Variants in FARS2 observed in about 807,000 individuals in gnomAD.
The protein encoded by FARS2 is phenylalanyl-tRNA synthetase 2, mitochondrial.
In FARS2, 40 loss-of-function variants were observed where a neutral mutation model predicts 46.4. The observed-to-expected ratio is 0.86, with a 90% CI of 0.67 to 1.12. FARS2 has a LOEUF of 1.12. Among genes scored for constraint, FARS2 ranks in the 50% most tolerant of loss-of-function variants. The probability of loss-of-function intolerance (pLI) is 0.00; values close to 1 mark genes in which losing one functional copy is unlikely to be tolerated. For missense variants in FARS2, 513 were observed against 567.9 expected (o/e 0.90, Z 0.98); for synonymous variants, 234 against 214.9 (o/e 1.09, Z -0.78).
chr6:5,435,414 A>C (rs1245570886), intron 4 of FARS2, among the ~76,000 whole-genome samples: 1 of 152,264 alleles, frequency 6.6e-6, no homozygotes, highest in African/African-American at 2.4e-5. Flanking sequence ...TACACATTTA[A>C]GCAACTGTGG....
chr6:5,318,400 A>C (rs544722479), intron 1 of FARS2, among the ~76,000 whole-genome samples: 169 of 147,824 alleles, frequency 1.1e-3, no homozygotes, highest in Admixed American at 4.4e-3. Context: ...AAAAAAAAAA[A>C]AAAAAAACCC....
In FARS2 at chr6:5,608,959, CA is replaced by C. The variant is rs940025298; in HGVS notation, c.1066-4199del. ...ATTTAGCAATCAACAGCATGGGTGC[CA>C]AAAAAAAAAATCTGTATTAAAACCC... On this transcript the variant is annotated intron_variant, in intron 5 of 6. Transcript: ENST00000274680. Among the ~76,000 whole-genome samples the C allele has an allele frequency of 3.5e-3, 509 of 145,250 alleles. 2 individuals are homozygous for C. The highest frequency in any genetic ancestry group is 0.011 in the African/African-American group (430 of 39,792).
At chr6:5,346,290 T>C (rs1375326214) in intron 1 of FARS2, among the ~76,000 whole-genome samples, 1 of 152,238 alleles carries the variant, frequency 6.6e-6, no homozygotes, top group Admixed American at 6.5e-5. Context: ...CCCATAGTAC[T>C]TGGGTGAATA....
intron 1 of FARS2, among the ~76,000 whole-genome samples, chr6:5,333,247 G>A (rs1039268626): frequency 6.6e-6 from 1 of 152,192 alleles, no homozygotes; most frequent in Non-Finnish European, 1.5e-5. Flanking sequence ...AAAGAGACTT[G>A]TGTCTCTTAT....
chr6:5,435,093 T>C (rs1009045610), intron 4 of FARS2, among the ~76,000 whole-genome samples: 5 of 152,232 alleles, frequency 3.3e-5, no homozygotes, highest in African/African-American at 1.2e-4. Context: ...ATCAAATAGC[T>C]AGACAGTGCT....
intron 6 of FARS2, among the ~76,000 whole-genome samples, chr6:5,636,874 C>G (rs914635336): frequency 6.6e-6 from 1 of 152,230 alleles, no homozygotes; most frequent in African/African-American, 2.4e-5. Context: ...TCTCCCTGAG[C>G]CACTACGTTG....
At chr6:5,687,404 G>A (rs1480420251) in intron 6 of FARS2, among the ~76,000 whole-genome samples, 1 of 152,202 alleles carries the variant, frequency 6.6e-6, no homozygotes, top group African/African-American at 2.4e-5. Flanking sequence ...TCCAGTTTCA[G>A]CTTTCTACAT....
chr6:5,732,638 G>A (rs1038263517), intron 6 of FARS2, among the ~76,000 whole-genome samples: 6 of 152,150 alleles, frequency 3.9e-5, no homozygotes, highest in Non-Finnish European at 7.4e-5. Context: ...ACAGTGCCAA[G>A]GGGCGGAGCC....
chr6:5,506,422 C>G (rs1208366685), intron 4 of FARS2, among the ~76,000 whole-genome samples: 3 of 152,180 alleles, frequency 2.0e-5, no homozygotes, highest in African/African-American at 7.2e-5. Flanking sequence ...TTTGTGAATG[C>G]CCCACTGTTG....
At chr6:5,692,286 G>A (rs1049934337) in intron 6 of FARS2, among the ~76,000 whole-genome samples, 3 of 152,200 alleles carry the variant, frequency 2.0e-5, no homozygotes, top group African/African-American at 4.8e-5. Flanking sequence ...CACTCATGCT[G>A]GGAGCTGCAG....
chr6:5,381,357 C>T (rs1026909505), intron 2 of FARS2, among the ~76,000 whole-genome samples: 1 of 142,798 alleles, frequency 7.0e-6, no homozygotes, highest in East Asian at 2.1e-4. Flanking sequence ...GAGAAATTTG[C>T]ATACTCCCCA....
intron 6 of FARS2, among the ~76,000 whole-genome samples, chr6:5,677,284 A>G (rs1193263184): frequency 6.6e-6 from 1 of 152,230 alleles, no homozygotes; most frequent in Admixed American, 6.5e-5. Context: ...GAGGAACCGT[A>G]AAGTAGGTAA....
intron 6 of FARS2, among the ~76,000 whole-genome samples, chr6:5,652,607 C>G (rs1265377104): frequency 6.6e-6 from 1 of 152,256 alleles, no homozygotes; most frequent in Non-Finnish European, 1.5e-5. Context: ...TTCAGGCCTT[C>G]ATTTCTCGCT....
chr6:5,531,775 C>T (rs12213022), intron 4 of FARS2, among the ~76,000 whole-genome samples: 32,879 of 152,030 alleles, frequency 0.22, 4,867 homozygotes, highest in Non-Finnish European at 0.32. Context: ...GTTCAAGTAT[C>T]GTGACTGGAA....
chr6:5,630,052 CAG>C lies in FARS2; in HGVS notation c.1217+16739_1217+16740del, dbSNP rs1374948535. On this transcript the variant is annotated intron_variant, in intron 6 of 6. Transcript: ENST00000274680. The surrounding 1 kb of genome is among the most constrained non-coding windows in gnomAD (Gnocchi z 4.2). ...GGGGAATGTTACCCTAAGAGCTCAG[CAG>C]AGAGAGGCCAGGATTGGAACGTGTA... Among the ~76,000 whole-genome samples, 2 of 152,146 alleles carry C rather than the reference CAG, an allele frequency of 1.3e-5. No homozygotes were observed. Among genetic ancestry groups the C allele is most frequent in the Non-Finnish European group, 2.9e-5 (2 of 68,018 alleles).
At chr6:5,626,895 A>G (rs1400516466) in intron 6 of FARS2, among the ~76,000 whole-genome samples, 1 of 152,238 alleles carries the variant, frequency 6.6e-6, no homozygotes, top group Non-Finnish European at 1.5e-5. Flanking sequence ...CATAGGCTGT[A>G]TGGGGTACAG....
intron 1 of FARS2, among the ~76,000 whole-genome samples, chr6:5,314,554 A>G (rs960210808): frequency 1.3e-5 from 2 of 152,142 alleles, no homozygotes; most frequent in Admixed American, 1.3e-4. Context: ...TTTAGGATAA[A>G]CTGCCTATGG....
chr6:5,582,946 T>C (rs1773419224), intron 5 of FARS2, among the ~76,000 whole-genome samples: 1 of 152,134 alleles, frequency 6.6e-6, no homozygotes, highest in East Asian at 1.9e-4. Flanking sequence ...GAAGCTCACA[T>C]AGAGACATTT....
At chr6:5,490,205 C>T (rs182532295) in intron 4 of FARS2, among the ~76,000 whole-genome samples, 1 of 152,266 alleles carries the variant, frequency 6.6e-6, no homozygotes, top group East Asian at 1.9e-4. Context: ...TGAGGTTCAT[C>T]CATGTTGCAT....
Sources: gnomAD v4.1 joint callset for allele counts (sites outside exome capture counted in the v4.1 genomes callset) on GRCh38, gnomAD v4.1.1 for gene constraint, Gnocchi (gnomAD v3.1) non-coding constraint, MANE v1.5 for transcripts, NCBI Gene and HGNC (gene_info 2026-07-23, HGNC 2026-07-21) for gene names.